OR3A2: variants seen among roughly 807,000 people sequenced by gnomAD.
The protein encoded by OR3A2 is olfactory receptor 3A2.
For missense variants in OR3A2, 318 were observed against 392.8 expected, an observed-to-expected ratio of 0.81 and a Z score of 1.61; for synonymous variants, 126 against 159.3, an observed-to-expected ratio of 0.79 and a Z score of 1.57.
chr17:3,302,419 C>G (rs80325603), intron 3 of OR3A2, among the ~76,000 whole-genome samples: 1 of 152,104 alleles, frequency 6.6e-6, no homozygotes, highest in Non-Finnish European at 1.5e-5. Context: ...GAACAGAACA[C>G]AGCCCTCAGA....
At chr17:3,327,015 C>T (rs1486675131) in intron 3 of OR3A2, among the ~76,000 whole-genome samples, 2 of 82,558 alleles carry the variant, frequency 2.4e-5, no homozygotes, top group Non-Finnish European at 4.2e-5. Context: ...AATAAACATA[C>T]GTGTGCATGT....
At chr17:3,278,426 C>T (rs1260330879) in exon 2 of OR3A2, 33 of 1,614,042 alleles carry the variant, frequency 2.0e-5, no homozygotes, top group Non-Finnish European at 2.7e-5. Context: ...TGGACATGGC[C>T]ACAGTGTGGG....
At chr17:3,328,467 T>A (rs934336516) in intron 3 of OR3A2, among the ~76,000 whole-genome samples, 1 of 129,638 alleles carries the variant, frequency 7.7e-6, no homozygotes, top group Non-Finnish European at 1.6e-5. Context: ...GCTGACACAA[T>A]GGGGTTTTCT....
At chr17:3,304,437 G>A (rs1401996695) in intron 3 of OR3A2, among the ~76,000 whole-genome samples, 1 of 152,122 alleles carries the variant, frequency 6.6e-6, no homozygotes, top group African/African-American at 2.4e-5. Flanking sequence ...CTTGCCCTGG[G>A]TGTGGTTGGC....
intron 2 of OR3A2, among the ~76,000 whole-genome samples, chr17:3,354,709 T>C (rs1202462709): frequency 6.6e-6 from 1 of 151,370 alleles, no homozygotes; most frequent in African/African-American, 2.4e-5. Context: ...AAAACCAATG[T>C]TTTATTTCAC....
At chr17:3,314,012 T>A (rs982462625) in intron 3 of OR3A2, among the ~76,000 whole-genome samples, 3 of 152,118 alleles carry the variant, frequency 2.0e-5, no homozygotes, top group Admixed American at 1.3e-4. Flanking sequence ...AAAGAGAAAA[T>A]TTTTTAAAGA....
chr17:3,365,574 A>C (rs1317937800), intron 2 of OR3A2, among the ~76,000 whole-genome samples: 1 of 152,176 alleles, frequency 6.6e-6, no homozygotes, highest in Non-Finnish European at 1.5e-5. Flanking sequence ...CCATGTGCTC[A>C]TATGGTCACA....
chr17:3,282,384 C>T (rs374671912), intron 1 of OR3A2, among the ~76,000 whole-genome samples: 12 of 151,476 alleles, frequency 7.9e-5, no homozygotes, highest in East Asian at 3.9e-4. Context: ...CCGGCCTGGG[C>T]GACTCCGTCT....
intron 3 of OR3A2, chr17:3,291,695 T>G (rs775821162): frequency 1.2e-6 from 2 of 1,611,448 alleles, no homozygotes; most frequent in South Asian, 2.2e-5. Flanking sequence ...CATCAGGGTT[T>G]CTGAAGCTGT....
chr17:3,322,848 G>C (rs770867221), intron 3 of OR3A2, among the ~76,000 whole-genome samples: 3 of 152,146 alleles, frequency 2.0e-5, no homozygotes, highest in Non-Finnish European at 4.4e-5. Flanking sequence ...TGTATATTCT[G>C]TTGATTTGGG....
chr17:3,300,772 G>A (rs2048957628), intron 3 of OR3A2, among the ~76,000 whole-genome samples: 3 of 151,728 alleles, frequency 2.0e-5, no homozygotes, highest in Non-Finnish European at 4.4e-5. Flanking sequence ...TACATGTGCT[G>A]TGTTGGTGTG....
At chr17:3,355,967 G>C (rs984430927) in intron 2 of OR3A2, among the ~76,000 whole-genome samples, 11 of 150,534 alleles carry the variant, frequency 7.3e-5, no homozygotes, top group Non-Finnish European at 1.2e-4. Flanking sequence ...TTAATCTCTT[G>C]GTTTTTGTTT....
chr17:3,290,206 T>C (rs1476411877), intron 3 of OR3A2, among the ~76,000 whole-genome samples: 1 of 152,198 alleles, frequency 6.6e-6, no homozygotes. Context: ...GAATTGGTTA[T>C]TGCTGGAAAA....
intron 2 of OR3A2, among the ~76,000 whole-genome samples, chr17:3,361,901 G>C (rs1177868007): frequency 2.6e-5 from 4 of 151,556 alleles, no homozygotes; most frequent in Non-Finnish European, 5.9e-5. Context: ...TCTCTGCCCG[G>C]CTTTGGTATC....
At chr17:3,364,276 C>A (rs968550648) in intron 2 of OR3A2, among the ~76,000 whole-genome samples, 1 of 152,070 alleles carries the variant, frequency 6.6e-6, no homozygotes, top group Admixed American at 6.6e-5. Context: ...TTTTGATACA[C>A]GTATACATTA....
chr17:3,374,126 C>T (rs576975563), intron 2 of OR3A2, among the ~76,000 whole-genome samples: 1 of 152,184 alleles, frequency 6.6e-6, no homozygotes, highest in African/African-American at 2.4e-5. Context: ...AGTAGAACCC[C>T]AATCCCTTCT....
At chr17:3,337,245 A>G (rs1346505971) in intron 2 of OR3A2, among the ~76,000 whole-genome samples, 3 of 152,232 alleles carry the variant, frequency 2.0e-5, no homozygotes, top group African/African-American at 4.8e-5. Context: ...CCTCACTACT[A>G]TCGTTCTCCA....
chr17:3,346,974 A>G lies in OR3A2; in HGVS notation c.-178-10848T>C, dbSNP rs571158025. ...TTAGGTTGCCTCCCAAAGCTTGGCTATTGTGCACAGTGCTGCAACGAACAT... is the reference window on the plus strand; with the variant it reads ...TTAGGTTGCCTCCCAAAGCTTGGCTGTTGTGCACAGTGCTGCAACGAACAT... On this transcript the variant is annotated intron_variant, in intron 2 of 4. Transcript: ENST00000573491. Among the ~76,000 whole-genome samples the G allele has an allele frequency of 2.0e-5, 3 of 152,224 alleles. No individual in the cohort carries two copies. In the South Asian group the frequency reaches 6.2e-4, roughly 32 times the overall value.
intron 3 of OR3A2, chr17:3,310,177 G>A (rs538564451): frequency 8.5e-5 from 32 of 375,358 alleles, no homozygotes; most frequent in African/African-American, 4.8e-4. Context: ...CATTTCATGC[G>A]TTCTTCCATC....
Sources: allele counts gnomAD v4.1 joint callset (sites outside exome capture counted in the v4.1 genomes callset), GRCh38; gene constraint gnomAD v4.1.1; transcripts MANE v1.5; gene names NCBI Gene and HGNC (gene_info 2026-07-23, HGNC 2026-07-21).